SCOC: variants seen among roughly 807,000 people sequenced by gnomAD.
SCOC encodes the protein short coiled coil protein.
In SCOC, 7 loss-of-function variants were observed where a neutral mutation model predicts 9.9. The observed-to-expected ratio is 0.71, with a 90% CI of 0.40 to 1.33. The LOEUF (loss-of-function observed/expected upper bound fraction) is 1.33. Among genes scored for constraint, SCOC ranks in the 40% most tolerant of loss-of-function variants. The pLI is 0.01. For synonymous variants in SCOC, 19 were observed against 28.2 expected (o/e 0.67, Z 1.03); for missense variants, 66 against 89.7 (o/e 0.74, Z 1.07).
chr4:140,293,733 T>C (rs1731544536), intron 1 of SCOC, among the ~76,000 whole-genome samples: 1 of 152,188 alleles, frequency 6.6e-6, no homozygotes, highest in Admixed American at 6.5e-5. Context: ...CTGAGGGCTG[T>C]CAATCAGCCA....
intron 1 of SCOC, among the ~76,000 whole-genome samples, chr4:140,302,084 T>G (rs776624781): frequency 6.6e-6 from 1 of 152,230 alleles, no homozygotes; most frequent in Non-Finnish European, 1.5e-5. Context: ...TTGGCCTCCC[T>G]GGGCCTCCCA....
intron 1 of SCOC, among the ~76,000 whole-genome samples, chr4:140,272,448 G>A (rs1730867633): frequency 2.6e-5 from 4 of 152,204 alleles, no homozygotes; most frequent in South Asian, 4.2e-4. Context: ...AAAGATGCAG[G>A]TTCCCTGAAT....
chr4:140,264,840 C>T (rs1393095211), intron 1 of SCOC, among the ~76,000 whole-genome samples: 1 of 152,166 alleles, frequency 6.6e-6, no homozygotes, highest in Non-Finnish European at 1.5e-5. Context: ...GAAGATTATG[C>T]TCTGCTTCGT....
chr4:140,291,551 G>A (rs1380484381), intron 1 of SCOC: 4 of 454,546 alleles, frequency 8.8e-6, no homozygotes, highest in African/African-American at 2.0e-5. Flanking sequence ...CAGAGGGTGA[G>A]TGAGTTTGAA....
chr4:140,268,811 T>TA (rs1330335206), intron 1 of SCOC, among the ~76,000 whole-genome samples: 7 of 152,330 alleles, frequency 4.6e-5, no homozygotes, highest in Admixed American at 1.3e-4. Flanking sequence ...AGCACACCTG[T>TA]ATCCCAGGCA....
At chr4:140,372,259 A>T (rs1728087513), upstream of SCOC, among the ~76,000 whole-genome samples, 1 of 152,226 alleles carries the variant, frequency 6.6e-6, no homozygotes, top group African/African-American at 2.4e-5. Flanking sequence ...GGTAAATTTT[A>T]TTCTATGTAT....
In SCOC at chr4:140,384,713, C is replaced by T. The variant is rs1027616330; in HGVS notation, c.*3609C>T. ...TTAACAAGTGTCAGAATGGTTTTTCCTTTAATACTTCCTAGTTTACATGCT... is the reference window on the plus strand; with the variant it reads ...TTAACAAGTGTCAGAATGGTTTTTCTTTTAATACTTCCTAGTTTACATGCT... On this transcript the variant is annotated 3_prime_UTR_variant, in exon 4 of 4. Transcript: ENST00000608372. 6.6e-6 allele frequency: 1 copy of T among 152,232 alleles called. No individual in the cohort carries two copies. The highest frequency in any genetic ancestry group is 1.9e-4 in the East Asian group (1 of 5,180). The allele number at this position is 152,232 out of a possible 1,614,324, so 9.4% of individuals were successfully genotyped here.
intron 1 of SCOC, among the ~76,000 whole-genome samples, chr4:140,283,144 C>T (rs1392390414): frequency 1.3e-5 from 2 of 152,076 alleles, no homozygotes; most frequent in Non-Finnish European, 2.9e-5. Flanking sequence ...GCTATCCTAG[C>T]ACAATTTTCA....
intron 1 of SCOC, among the ~76,000 whole-genome samples, chr4:140,290,000 A>G (rs1221423856): frequency 6.6e-6 from 1 of 152,118 alleles, no homozygotes; most frequent in Non-Finnish European, 1.5e-5. Flanking sequence ...ACATGCCTCT[A>G]CCCCAGGACT....
chr4:140,298,345 C>A (rs1731710338), intron 1 of SCOC, among the ~76,000 whole-genome samples: 1 of 152,248 alleles, frequency 6.6e-6, no homozygotes, highest in African/African-American at 2.4e-5. Context: ...TGTCCAAAAG[C>A]CTTTCTTATT....
chr4:140,281,465 C>T (rs1242372502), intron 1 of SCOC, among the ~76,000 whole-genome samples: 4 of 152,166 alleles, frequency 2.6e-5, no homozygotes, highest in African/African-American at 9.7e-5. Flanking sequence ...CCCAAGGCTC[C>T]ACATATGGGA....
chr4:140,355,511 G>A (rs1465236681), intron 2 of SCOC, among the ~76,000 whole-genome samples: 1 of 152,052 alleles, frequency 6.6e-6, no homozygotes, highest in Non-Finnish European at 1.5e-5. Context: ...TGACTTCAAA[G>A]CCTCTGTCAA....
At chr4:140,314,204 G>A in intron 1 of SCOC, 1 of 212,206 alleles carries the variant, frequency 4.7e-6, no homozygotes, top group South Asian at 8.7e-5. Context: ...TTTCCTTCCT[G>A]GATAAGTTTT....
chr4:140,335,362 G>A (rs993115522), intron 1 of SCOC, among the ~76,000 whole-genome samples: 9 of 152,034 alleles, frequency 5.9e-5, no homozygotes, highest in African/African-American at 2.2e-4. Flanking sequence ...AGATGATAGA[G>A]GTAAAACACT....
chr4:140,288,758 C>T (rs1337031447), intron 1 of SCOC, among the ~76,000 whole-genome samples: 2 of 151,884 alleles, frequency 1.3e-5, no homozygotes, highest in Non-Finnish European at 2.9e-5. Flanking sequence ...ACACACATCA[C>T]CCTCATGCAC....
At chr4:140,275,497 T>C (rs1730959089) in intron 1 of SCOC, among the ~76,000 whole-genome samples, 1 of 152,230 alleles carries the variant, frequency 6.6e-6, no homozygotes, top group Non-Finnish European at 1.5e-5. Flanking sequence ...GATTTGGTCT[T>C]TCATTTATGT....
intron 1 of SCOC, among the ~76,000 whole-genome samples, chr4:140,273,518 G>C (rs908207784): frequency 6.6e-6 from 1 of 151,640 alleles, no homozygotes; most frequent in Admixed American, 6.6e-5. Flanking sequence ...GGCCTCAACA[G>C]GTAGGCAGGA....
chr4:140,290,327 C>CTCTT (rs1731433951), intron 1 of SCOC, among the ~76,000 whole-genome samples: 1 of 152,202 alleles, frequency 6.6e-6, no homozygotes, highest in Non-Finnish European at 1.5e-5. Flanking sequence ...GGGCTTTCTC[C>CTCTT]TCTTTCTTTC....
At chr4:140,357,968 G>A (rs1356739660) in intron 2 of SCOC, among the ~76,000 whole-genome samples, 1 of 152,054 alleles carries the variant, frequency 6.6e-6, no homozygotes, top group Non-Finnish European at 1.5e-5. Flanking sequence ...TTTCTGTGGT[G>A]TATGTCTCCT....
Sources: gnomAD v4.1 joint callset for allele counts (sites outside exome capture counted in the v4.1 genomes callset) on GRCh38, gnomAD v4.1.1 for gene constraint, MANE v1.5 for transcripts, NCBI Gene and HGNC (gene_info 2026-07-23, HGNC 2026-07-21) for gene names.